Variants in NELL1 observed in about 807,000 individuals in gnomAD.
NELL1 encodes the protein protein kinase C-binding protein NELL1.
NELL1 carries 76 observed loss-of-function variants against 107.4 expected under a neutral mutation model. The ratio of observed to expected loss-of-function variants is 0.71; its 90% CI spans 0.59 to 0.86. The LOEUF (loss-of-function observed/expected upper bound fraction) is 0.86, where lower values mean the gene tolerates loss of function less well. Among genes scored for constraint, NELL1 ranks in the 40% least tolerant of loss-of-function variants. The pLI, the probability that NELL1 is intolerant of heterozygous loss-of-function variation, is 0.00. For synonymous variants in NELL1, 353 were observed against 341.2 expected (o/e 1.03, Z -0.38); for missense variants, 1,024 against 1,005.5 (o/e 1.02, Z -0.25).
intron 3 of NELL1, among the ~76,000 whole-genome samples, chr11:20,824,152 A>C: frequency 6.6e-6 from 1 of 151,106 alleles, no homozygotes. Flanking sequence ...TGCTGGCTTT[A>C]TAAGGGGCTT....
intron 12 of NELL1, among the ~76,000 whole-genome samples, chr11:21,081,481 C>T (rs1432478208): frequency 1.3e-5 from 2 of 152,136 alleles, no homozygotes; most frequent in African/African-American, 2.4e-5. Flanking sequence ...TGCCCAATTA[C>T]TATTTCAGCT....
Position 21,189,682 on chromosome 11 carries a change from T to C in NELL1, c.1427-39650T>C, listed in dbSNP as rs1160434314. Among the ~76,000 whole-genome samples, 6 of 10,468 alleles carry C rather than the reference T, an allele frequency of 5.7e-4. No homozygotes were observed. The Admixed American group carries it at 7.8e-3, about 14-fold the overall frequency. 6.9% of individuals were successfully genotyped at this position (10,468 alleles called of 152,430 possible). On this transcript the variant is annotated intron_variant, in intron 13 of 19. Transcript: ENST00000357134. ...ATTTTAGTTGTCTGTTGTTTCTTCC[T>C]TTTTTTTTTTTTTTTATTTAATGTA...
intron 1 of NELL1, among the ~76,000 whole-genome samples, chr11:20,677,562 G>C (rs1461438894): frequency 6.6e-6 from 1 of 152,128 alleles, no homozygotes; most frequent in Non-Finnish European, 1.5e-5. Context: ...CTTCAGAAAT[G>C]TTGTACTTGA....
intron 15 of NELL1, among the ~76,000 whole-genome samples, chr11:21,532,192 A>G (rs1359656387): frequency 6.6e-6 from 1 of 152,138 alleles, no homozygotes; most frequent in Non-Finnish European, 1.5e-5. Flanking sequence ...TTCCCATGCA[A>G]GCCAGGGATT....
At chr11:21,252,834 G>A (rs1017556616) in intron 14 of NELL1, among the ~76,000 whole-genome samples, 1 of 152,068 alleles carries the variant, frequency 6.6e-6, no homozygotes, top group East Asian at 1.9e-4. Context: ...TAATCTCTTC[G>A]AAGGCAGCTT....
intron 15 of NELL1, among the ~76,000 whole-genome samples, chr11:21,460,785 G>A (rs564654096): frequency 1.3e-3 from 198 of 152,122 alleles, no homozygotes; most frequent in African/African-American, 4.7e-3. Flanking sequence ...GTGGTACACC[G>A]TCTCTTCATT....
chr11:20,869,844 C>A (rs1057212691), intron 4 of NELL1, among the ~76,000 whole-genome samples: 1 of 152,126 alleles, frequency 6.6e-6, no homozygotes, highest in East Asian at 1.9e-4. Flanking sequence ...TGCCTTATAG[C>A]GTATCTTCCT....
intron 14 of NELL1, among the ~76,000 whole-genome samples, chr11:21,366,557 C>G (rs770931105): frequency 1.1e-4 from 16 of 152,010 alleles, no homozygotes; most frequent in Non-Finnish European, 2.1e-4. Flanking sequence ...ATTGTCGCAT[C>G]GAAGCACATA....
At chr11:20,848,310 AG>A (rs1196150615) in intron 4 of NELL1, among the ~76,000 whole-genome samples, 1 of 152,130 alleles carries the variant, frequency 6.6e-6, no homozygotes, top group African/African-American at 2.4e-5. Flanking sequence ...CCAGCTTGTC[AG>A]GGGATGGTGG....
At chr11:20,821,397 T>C (rs1338903213) in intron 3 of NELL1, among the ~76,000 whole-genome samples, 1 of 152,198 alleles carries the variant, frequency 6.6e-6, no homozygotes, top group Non-Finnish European at 1.5e-5. Context: ...TGAGCTTAAG[T>C]ATGATTATGA....
intron 15 of NELL1, among the ~76,000 whole-genome samples, 183 bp downstream of exon 15, chr11:21,371,131 A>G (rs1417098016): frequency 6.6e-6 from 1 of 152,124 alleles, no homozygotes; most frequent in Non-Finnish European, 1.5e-5. Flanking sequence ...CTCTGAAAAT[A>G]GAGCTTCATT....
chr11:21,333,829 G>T (rs911651333), intron 14 of NELL1, among the ~76,000 whole-genome samples: 1 of 151,986 alleles, frequency 6.6e-6, no homozygotes, highest in African/African-American at 2.4e-5. Flanking sequence ...CACAAAATTG[G>T]CTCTTTTCTT....
At chr11:20,828,243 A>T (rs139203418) in intron 3 of NELL1, among the ~76,000 whole-genome samples, 1 of 151,554 alleles carries the variant, frequency 6.6e-6, no homozygotes, top group Non-Finnish European at 1.5e-5. Context: ...AATAATTGTC[A>T]AATGTTATTA....
chr11:21,358,414 T>G lies in NELL1; in HGVS notation c.1550-12439T>G, dbSNP rs186970428. Among the ~76,000 whole-genome samples, 145 of 152,110 alleles carry G rather than the reference T, an allele frequency of 9.5e-4. 3 individuals are homozygous for G. Among genetic ancestry groups the G allele is most frequent in the African/African-American group, 2.9e-3 (119 of 41,504 alleles). On this transcript the variant is annotated intron_variant, in intron 14 of 19. Coordinates refer to ENST00000357134, the MANE Select transcript of NELL1 (RefSeq NM_006157.5). ...GGTTTTTTTTGTTTTGTTTTGTTTT[T>G]TTTGAGGCAGAGTCTTGCACTGTCT...
At chr11:20,887,702 C>A (rs1849538404) in intron 5 of NELL1, among the ~76,000 whole-genome samples, 1 of 152,170 alleles carries the variant, frequency 6.6e-6, no homozygotes, top group African/African-American at 2.4e-5. Flanking sequence ...GGGTTGCAGA[C>A]TTGACACCCA....
intron 12 of NELL1, among the ~76,000 whole-genome samples, chr11:21,098,271 T>C (rs763435792): frequency 1.3e-5 from 2 of 152,256 alleles, no homozygotes; most frequent in African/African-American, 2.4e-5. Context: ...TGACATCTTG[T>C]GTCACGACCT....
At chr11:20,967,662 A>G (rs1590474182) in intron 12 of NELL1, among the ~76,000 whole-genome samples, 1 of 152,168 alleles carries the variant, frequency 6.6e-6, no homozygotes, top group Non-Finnish European at 1.5e-5. Flanking sequence ...TGCTGTCTTC[A>G]CCACTACCAC....
intron 13 of NELL1, among the ~76,000 whole-genome samples, chr11:21,202,201 G>A (rs1857285390): frequency 6.6e-6 from 1 of 152,198 alleles, no homozygotes; most frequent in African/African-American, 2.4e-5. Context: ...AGAAGGAATG[G>A]TACCAGCTCC....
intron 2 of NELL1, among the ~76,000 whole-genome samples, chr11:20,736,091 CA>C (rs2133927987): frequency 6.6e-6 from 1 of 152,100 alleles, no homozygotes; most frequent in East Asian, 1.9e-4. Context: ...CTTGAAGATG[CA>C]AAGATGAGCT....
Sources: allele counts gnomAD v4.1 joint callset (sites outside exome capture counted in the v4.1 genomes callset), GRCh38; gene constraint gnomAD v4.1.1; transcripts MANE v1.5; gene names NCBI Gene and HGNC (gene_info 2026-07-23, HGNC 2026-07-21).